Variants in SEMA3C observed in about 807,000 individuals in gnomAD.
The protein encoded by SEMA3C is semaphorin-3C.
SEMA3C carries 47 observed loss-of-function variants against 89.4 expected under a neutral mutation model. The observed-to-expected ratio is 0.53, with a 90% CI of 0.42 to 0.67. The LOEUF (loss-of-function observed/expected upper bound fraction) is 0.67. SEMA3C is among the 30% of genes least tolerant of loss of function. The pLI is 0.00. For missense variants in SEMA3C, 839 were observed against 929.1 expected (o/e 0.90, Z 1.26); for synonymous variants, 310 against 320.2 (o/e 0.97, Z 0.34).
At chr7:80,901,617 T>C (rs1291328464) in intron 2 of SEMA3C, among the ~76,000 whole-genome samples, 1 of 152,148 alleles carries the variant, frequency 6.6e-6, no homozygotes. Flanking sequence ...ATCAGTAAAG[T>C]TGTAGGTAGA....
intron 2 of SEMA3C, chr7:80,915,862 A>G (rs1049336185): frequency 6.2e-5 from 3 of 48,198 alleles, no homozygotes; most frequent in African/African-American, 5.7e-4. Context: ...ACTAAAGTTT[A>G]TGCAGAGTTG....
intron 15 of SEMA3C, among the ~76,000 whole-genome samples, chr7:80,756,372 T>C (rs558614102): frequency 6.6e-6 from 1 of 152,084 alleles, no homozygotes; most frequent in African/African-American, 2.4e-5. Flanking sequence ...CAAGCCACCA[T>C]TATATCTCAC....
At chr7:80,807,665 T>A (rs1789374249) in intron 6 of SEMA3C, among the ~76,000 whole-genome samples, 1 of 152,198 alleles carries the variant, frequency 6.6e-6, no homozygotes, top group Admixed American at 6.5e-5. Context: ...ACATCTGACT[T>A]CGTTGTTGCC....
chr7:80,916,962 C>G (rs1792292588), intron 1 of SEMA3C, 143 bp from the exon 2 acceptor site: 2 of 579,484 alleles, frequency 3.5e-6, no homozygotes, highest in South Asian at 5.1e-5. Flanking sequence ...GGTGCTGTGT[C>G]TTTGCTTCTC....
intron 6 of SEMA3C, among the ~76,000 whole-genome samples, chr7:80,808,632 A>T (rs1268672343): frequency 6.6e-6 from 1 of 152,188 alleles, no homozygotes; most frequent in East Asian, 1.9e-4. Context: ...CAAAGCAAGC[A>T]TTTTGAACAC....
intron 2 of SEMA3C, among the ~76,000 whole-genome samples, chr7:80,836,571 G>A (rs930290233): frequency 2.0e-5 from 3 of 151,820 alleles, no homozygotes; most frequent in African/African-American, 7.2e-5. Flanking sequence ...CCAGCTACTC[G>A]GGAGGCTGAG....
At chr7:80,840,531 A>T (rs970999152) in intron 2 of SEMA3C, among the ~76,000 whole-genome samples, 1 of 143,080 alleles carries the variant, frequency 7.0e-6, no homozygotes, top group Non-Finnish European at 1.6e-5. Context: ...AAAAAAAAAA[A>T]AAAAAAAAAA....
intron 4 of SEMA3C, among the ~76,000 whole-genome samples, chr7:80,819,582 G>T (rs145265376): frequency 1.3e-5 from 2 of 152,226 alleles, no homozygotes; most frequent in East Asian, 3.9e-4. Context: ...CATAATGATT[G>T]CCTTCTATGA....
chr7:80,776,018 C>T (rs145460140), intron 12 of SEMA3C, among the ~76,000 whole-genome samples: 14 of 151,858 alleles, frequency 9.2e-5, no homozygotes, highest in African/African-American at 3.1e-4. Flanking sequence ...ATGGAGTATA[C>T]ATCCTCAAAA....
chr7:80,835,092 A>C (rs2115847255), intron 2 of SEMA3C, among the ~76,000 whole-genome samples: 1 of 152,272 alleles, frequency 6.6e-6, no homozygotes, highest in South Asian at 2.1e-4. Context: ...GCCTTTTATA[A>C]AATTCAAAAA....
At chr7:80,783,307 C>T (rs1213536823) in intron 12 of SEMA3C, among the ~76,000 whole-genome samples, 2 of 152,036 alleles carry the variant, frequency 1.3e-5, no homozygotes, top group African/African-American at 4.8e-5. Flanking sequence ...TACTCTTCTA[C>T]ATGATCAAGT....
chr7:80,894,307 A>G (rs1791682575), intron 2 of SEMA3C, among the ~76,000 whole-genome samples: 1 of 150,624 alleles, frequency 6.6e-6, no homozygotes, highest in African/African-American at 2.5e-5. Flanking sequence ...TAATTAGGAA[A>G]TAAAATCTTT....
intron 2 of SEMA3C, among the ~76,000 whole-genome samples, chr7:80,891,594 A>G: frequency 6.6e-6 from 1 of 152,200 alleles, no homozygotes; most frequent in East Asian, 1.9e-4. Context: ...TTTGTTTTAA[A>G]TGATTAAAAA....
intron 16 of SEMA3C, among the ~76,000 whole-genome samples, 169 bp from the exon 17 acceptor site, chr7:80,749,197 G>A (rs1260935906): frequency 1.3e-5 from 2 of 152,136 alleles, no homozygotes; most frequent in African/African-American, 4.8e-5. Flanking sequence ...AATAGGATAC[G>A]TTGTTCACCC....
intron 2 of SEMA3C, among the ~76,000 whole-genome samples, chr7:80,866,416 T>C (rs1790927611): frequency 6.6e-6 from 1 of 152,292 alleles, no homozygotes; most frequent in African/African-American, 2.4e-5. Context: ...TTCAACACGG[T>C]AATTTTTACT....
At chr7:80,817,485 A>G (rs1789635857) in intron 5 of SEMA3C, among the ~76,000 whole-genome samples, 1 of 152,216 alleles carries the variant, frequency 6.6e-6, no homozygotes, top group South Asian at 2.1e-4. Context: ...TAAGTAAAAC[A>G]ACATGTTTGA....
At chr7:80,881,199 ACACACACACACT>A (rs1350780572) in intron 2 of SEMA3C, among the ~76,000 whole-genome samples, 4 of 148,348 alleles carry the variant, frequency 2.7e-5, no homozygotes, top group African/African-American at 1.0e-4. Context: ...ACACACACAC[ACACACACACACT>A]CTCTCTCATG....
At chr7:80,784,795 T>C (rs965087226) in intron 12 of SEMA3C, among the ~76,000 whole-genome samples, 1 of 152,144 alleles carries the variant, frequency 6.6e-6, no homozygotes, top group South Asian at 2.1e-4. Context: ...AATCATATAA[T>C]CTTCACTGCT....
At chr7:80,773,406 C>G (rs368850326) in intron 12 of SEMA3C, among the ~76,000 whole-genome samples, 1 of 151,998 alleles carries the variant, frequency 6.6e-6, no homozygotes, top group African/African-American at 2.4e-5. Flanking sequence ...TTGGTAGAAA[C>G]GTAATCAGGA....
Sources: allele counts gnomAD v4.1 joint callset (sites outside exome capture counted in the v4.1 genomes callset), GRCh38; gene constraint gnomAD v4.1.1; transcripts MANE v1.5; gene names NCBI Gene and HGNC (gene_info 2026-07-23, HGNC 2026-07-21).